TP63: variants seen among roughly 807,000 people sequenced by gnomAD.
TP63 encodes tumor protein 63.
Under a neutral mutation model 82.8 loss-of-function variants are expected in TP63, and 17 were observed. That is an observed-to-expected ratio of 0.21 (90% CI 0.14 to 0.31). The LOEUF (loss-of-function observed/expected upper bound fraction) is 0.31, where lower values mean the gene tolerates loss of function less well. Ranked by LOEUF, TP63 falls within the 10% of genes least tolerant of loss-of-function variation. TP63 has a pLI of 1.00. For missense variants in TP63, 648 were observed against 895.3 expected, an observed-to-expected ratio of 0.72 and a Z score of 3.52; for synonymous variants, 330 against 321.7, an observed-to-expected ratio of 1.03 and a Z score of -0.28.
At chr3:189,684,153 C>T (rs185615584) in intron 1 of TP63, among the ~76,000 whole-genome samples, 3 of 152,280 alleles carry the variant, frequency 2.0e-5, no homozygotes, top group African/African-American at 7.2e-5. Flanking sequence ...GAAATACTTT[C>T]CTTTCATTCT....
chr3:189,836,968 T>G (rs12493420), intron 4 of TP63, among the ~76,000 whole-genome samples: 52,251 of 152,078 alleles, frequency 0.34, 9,260 homozygotes, highest in East Asian at 0.51. Flanking sequence ...TTGGCAGGTG[T>G]TATTCTCACT....
chr3:189,776,335 C>G (rs527576594), intron 3 of TP63, among the ~76,000 whole-genome samples: 1 of 152,128 alleles, frequency 6.6e-6, no homozygotes, highest in Non-Finnish European at 1.5e-5. Flanking sequence ...CCTCCAGAGA[C>G]GGAGACAGAG....
At position 189,762,917 on chromosome 3, in the gene TP63, G is replaced by A. The variant is rs553852466; in HGVS notation, c.324+24143G>A. Among the ~76,000 whole-genome samples, 4 of 152,230 alleles carry A rather than the reference G, an allele frequency of 2.6e-5. No individual in the cohort carries two copies. The East Asian group carries it at 5.8e-4, about 22-fold the overall frequency. On this transcript the variant is annotated intron_variant, in intron 3 of 13. Transcript: ENST00000264731. ...TTTGCTGCTGAAATATTGAGGGATCGATAGAAAAGACAATAAATGGGCATC... is the reference window on the plus strand; with the variant it reads ...TTTGCTGCTGAAATATTGAGGGATCAATAGAAAAGACAATAAATGGGCATC...
chr3:189,679,729 C>G (rs1715745612), intron 1 of TP63, among the ~76,000 whole-genome samples: 1 of 152,066 alleles, frequency 6.6e-6, no homozygotes, highest in Admixed American at 6.6e-5. Flanking sequence ...AGAAGACTTT[C>G]TCCTGTGTTT....
At chr3:189,599,938 C>T in the TP63 span, among the ~76,000 whole-genome samples, 2 of 152,120 alleles carry the variant, frequency 1.3e-5, no homozygotes, top group Non-Finnish European at 2.9e-5. Context: ...TGCATATGCT[C>T]TGTGGGATCT....
chr3:189,672,150 T>C (rs1164122229), intron 1 of TP63, among the ~76,000 whole-genome samples: 2 of 152,240 alleles, frequency 1.3e-5, no homozygotes, highest in East Asian at 3.9e-4. Flanking sequence ...AAGATCACTC[T>C]GTATCCCATA....
chr3:189,680,847 G>A (rs987870134), intron 1 of TP63, among the ~76,000 whole-genome samples: 1 of 152,112 alleles, frequency 6.6e-6, no homozygotes, highest in Admixed American at 6.6e-5. Flanking sequence ...TTGAGCCTGA[G>A]TTTACATTAG....
intron 1 of TP63, among the ~76,000 whole-genome samples, chr3:189,637,585 G>C (rs760475089): frequency 9.9e-5 from 15 of 152,166 alleles, no homozygotes; most frequent in Non-Finnish European, 1.9e-4. Flanking sequence ...GAGAATTCAA[G>C]TCCCTTGACT....
intron 4 of TP63, among the ~76,000 whole-genome samples, chr3:189,822,155 T>C (rs557412533): frequency 6.6e-6 from 1 of 152,306 alleles, no homozygotes; most frequent in African/African-American, 2.4e-5. Context: ...TAGGATTTGA[T>C]ATAATAAGTA....
intron 4 of TP63, among the ~76,000 whole-genome samples, chr3:189,845,877 T>A (rs1313356705): frequency 6.6e-6 from 1 of 151,776 alleles, no homozygotes; most frequent in Non-Finnish European, 1.5e-5. Context: ...AGTATGGCAT[T>A]TCTTCTGGGA....
At position 189,649,288 on chromosome 3, in the gene TP63, C is replaced by T. The variant is rs1312818574; in HGVS notation, c.62+17711C>T. Among the ~76,000 whole-genome samples, 2 of 146,948 alleles carry T rather than the reference C, an allele frequency of 1.4e-5. 1 individual carries two copies. The highest frequency in any genetic ancestry group is 5.1e-5 in the African/African-American group (2 of 39,270). Reference sequence around the variant, plus strand: ...AGACTGGACACCATGGAACACTATGCAGCGTGAAAAAGAATGAGATCATGT... The same window carrying T: ...AGACTGGACACCATGGAACACTATGTAGCGTGAAAAAGAATGAGATCATGT... On this transcript the variant is annotated intron_variant, in intron 1 of 13. Transcript: ENST00000264731.
chr3:189,891,555 G>A (rs1187237639), intron 13 of TP63, among the ~76,000 whole-genome samples: 1 of 152,174 alleles, frequency 6.6e-6, no homozygotes, highest in African/African-American at 2.4e-5. Flanking sequence ...CTTTTTAGTA[G>A]CAATGAGAAC....
intron 4 of TP63, among the ~76,000 whole-genome samples, chr3:189,818,557 CTA>C (rs1350230781): frequency 6.6e-6 from 1 of 151,746 alleles, no homozygotes; most frequent in Admixed American, 6.6e-5. Context: ...TTTGAGAAGC[CTA>C]TGTTTCTCAA....
At chr3:189,856,268 G>T (rs1395187173) in intron 4 of TP63, among the ~76,000 whole-genome samples, 1 of 151,102 alleles carries the variant, frequency 6.6e-6, no homozygotes, top group Non-Finnish European at 1.5e-5. Context: ...ATTTTCTTAG[G>T]AATGTGAGTA....
At chr3:189,769,799 G>A (rs531496929) in intron 3 of TP63, among the ~76,000 whole-genome samples, 42 of 152,246 alleles carry the variant, frequency 2.8e-4, no homozygotes, top group African/African-American at 8.7e-4. Context: ...GAGCATAAAA[G>A]TGTCCCTATT....
chr3:189,664,576 G>T (rs1714213668), intron 1 of TP63, among the ~76,000 whole-genome samples: 1 of 152,078 alleles, frequency 6.6e-6, no homozygotes, highest in Admixed American at 6.6e-5. Flanking sequence ...GGCCTTAGTT[G>T]ATTCAAGATG....
chr3:189,892,712 A>C (rs181039982), intron 13 of TP63, among the ~76,000 whole-genome samples: 1 of 152,170 alleles, frequency 6.6e-6, no homozygotes, highest in Non-Finnish European at 1.5e-5. Flanking sequence ...AAATGGCGTG[A>C]ACTTGGGAGG....
At chr3:189,635,951 T>A (rs1207209435) in intron 1 of TP63, among the ~76,000 whole-genome samples, 1 of 152,172 alleles carries the variant, frequency 6.6e-6, no homozygotes, top group Non-Finnish European at 1.5e-5. Flanking sequence ...ATGAGCACAC[T>A]GGCTTTTAGC....
At chr3:189,649,614 C>T (rs2108633848) in intron 1 of TP63, among the ~76,000 whole-genome samples, 1 of 146,976 alleles carries the variant, frequency 6.8e-6, no homozygotes, top group Middle Eastern at 3.4e-3. Context: ...ACATGTACCC[C>T]CAAACTTAAA....
Sources: allele counts gnomAD v4.1 joint callset (sites outside exome capture counted in the v4.1 genomes callset), GRCh38; gene constraint gnomAD v4.1.1; transcripts MANE v1.5; gene names NCBI Gene and HGNC (gene_info 2026-07-23, HGNC 2026-07-21).